Variants in CLEC12A observed in about 807,000 individuals in gnomAD.
CLEC12A encodes C-type lectin domain family 12 member A.
CLEC12A carries 22 observed loss-of-function variants against 26.5 expected under a neutral mutation model. The ratio of observed to expected loss-of-function variants is 0.83; its 90% CI spans 0.59 to 1.19. CLEC12A has a LOEUF of 1.19. Ranked by LOEUF, CLEC12A falls within the 50% of genes most tolerant of loss-of-function variation. CLEC12A has a pLI of 0.00. For missense variants in CLEC12A, 353 were observed against 315.6 expected (o/e 1.12, Z -0.90); for synonymous variants, 119 against 101.9 (o/e 1.17, Z -1.01).
chr12:9,980,521 AAAT>A lies in CLEC12A; in HGVS notation c.380-55_380-53del, dbSNP rs930420173. 2.1e-6 allele frequency: 3 copies of A among 1,443,760 alleles called. No homozygotes were observed. In the African/African-American group the frequency reaches 4.3e-5, roughly 21 times the overall value. The allele number at this position is 1,443,760 out of a possible 1,614,324, so 89.4% of individuals were successfully genotyped here. On this transcript the variant is annotated intron_variant, in intron 3 of 5. Coordinates refer to ENST00000304361, the MANE Select transcript of CLEC12A (RefSeq NM_138337.6). ...ATCAATGTCACACAGAGAGGAAAGGAAATAATAAGAATTATTATGACTATCAAC... is the reference window on the plus strand; with the variant it reads ...ATCAATGTCACACAGAGAGGAAAGGAAATAAGAATTATTATGACTATCAAC...
At chr12:9,991,979 G>A (rs1864903641) in intron 4 of CLEC12A, 1 of 152,114 alleles carries the variant, frequency 6.6e-6, no homozygotes, top group African/African-American at 2.4e-5. Context: ...TTCCCACTGA[G>A]TAACATCAGC....
At chr12:9,987,491 C>T (rs759619538), downstream of CLEC12A, among the ~76,000 whole-genome samples, 2 of 152,160 alleles carry the variant, frequency 1.3e-5, no homozygotes, top group South Asian at 2.1e-4. Context: ...TCCTGACTAG[C>T]GCTCTAGCTT....
intron 1 of CLEC12A, among the ~76,000 whole-genome samples, chr12:9,953,534 G>A (rs1281815965): frequency 6.6e-6 from 1 of 151,850 alleles, no homozygotes. Context: ...GCCCCCTACT[G>A]GGAAGTGAGG....
chr12:9,984,972 T>G lies in CLEC12A; in HGVS notation c.744T>G (p.Cys248Trp). 3 of 1,556,524 alleles carry G rather than the reference T, an allele frequency of 1.9e-6. No individual in the cohort carries two copies. The South Asian group carries it at 3.6e-5, about 18-fold the overall frequency. ...YHCTYKKRMICEKMANPVQLG... is the reference protein window; with the variant it reads ...YHCTYKKRMIWEKMANPVQLG... Reference sequence around the variant, plus strand: ...GCACTTATAAAAAAAGAATGATATGTGAGAAGATGGCCAATCCAGTGCAGC... The same window carrying G: ...GCACTTATAAAAAAAGAATGATATGGGAGAAGATGGCCAATCCAGTGCAGC... Residue 248 changes from cysteine (C) to tryptophan (W), a missense_variant, in exon 6 of 6, where the codon TGT becomes TGG. By Grantham distance (215) the Cys-to-Trp change is radical. Coordinates refer to ENST00000304361, the MANE Select transcript of CLEC12A (RefSeq NM_138337.6).
At chr12:9,988,769 C>T (rs188538243), downstream of CLEC12A, among the ~76,000 whole-genome samples, 393 of 152,170 alleles carry the variant, frequency 2.6e-3, no homozygotes, top group Middle Eastern at 6.8e-3. Flanking sequence ...GTTGGTGGGA[C>T]GTAAACTAGT....
At chr12:9,966,784 A>G (rs56010041), upstream of CLEC12A, among the ~76,000 whole-genome samples, 63,686 of 121,314 alleles carry the variant, frequency 0.52, 17,641 homozygotes, top group South Asian at 0.65. Context: ...TGTCGGGAGC[A>G]GATTGGGTAA....
chr12:9,962,022 G>C (rs192711672), intron 1 of CLEC12A, among the ~76,000 whole-genome samples: 1 of 152,136 alleles, frequency 6.6e-6, no homozygotes, highest in Non-Finnish European at 1.5e-5. Context: ...AGTTGTTCTC[G>C]CTGAGTGTAC....
chr12:9,973,990 A>G (rs958491558), intron 1 of CLEC12A, among the ~76,000 whole-genome samples: 1 of 151,740 alleles, frequency 6.6e-6, no homozygotes, highest in Non-Finnish European at 1.5e-5. Flanking sequence ...TCACAACTCA[A>G]CTTTTGAAAG....
intron 5 of CLEC12A, among the ~76,000 whole-genome samples, chr12:9,982,866 C>A (rs1225301630): frequency 1.3e-5 from 2 of 152,040 alleles, no homozygotes; most frequent in African/African-American, 2.4e-5. Flanking sequence ...TATTTAGCTC[C>A]CACTTAAGTG....
At chr12:9,983,974 C>T (rs921228490) in intron 5 of CLEC12A, 6 of 225,404 alleles carry the variant, frequency 2.7e-5, no homozygotes, top group South Asian at 9.6e-5. Flanking sequence ...GTTTTGCAAA[C>T]GTAGAATATG....
Position 9,971,686 on chromosome 12 carries a change from A to T in CLEC12A, c.90A>T (p.Lys30Asn), listed in dbSNP as rs779966756. Reference protein sequence around the residue: ...KIPEIGKFGEKAPPAPSHVWR... With the variant: ...KIPEIGKFGENAPPAPSHVWR... ...CAGAAATTGGCAAATTTGGGGAAAA[A>T]GGTAAGATTTTGAGTTATGGATGTG... The change falls in exon 1 of 6, where the codon AAA becomes AAT. Residue 30 changes from lysine to asparagine, a missense_variant and splice_region_variant. Lys to Asn is a moderately conservative substitution (Grantham distance 94). Transcript: ENST00000304361. 18 of 1,608,356 alleles carry T rather than the reference A, an allele frequency of 1.1e-5. No individual in the cohort carries two copies. Among genetic ancestry groups the T allele is most frequent in the Non-Finnish European group, 1.5e-5 (18 of 1,177,222 alleles).
intron 4 of CLEC12A, among the ~76,000 whole-genome samples, chr12:9,993,699 C>T (rs1046281513): frequency 1.3e-5 from 2 of 152,028 alleles, no homozygotes; most frequent in South Asian, 2.1e-4. Context: ...GATGGGAATA[C>T]GCTCATGGAA....
At chr12:9,995,062 C>T (rs1478105553) in exon 5 of CLEC12A, 1 of 1,596,840 alleles carries the variant, frequency 6.3e-7, no homozygotes. Flanking sequence ...ATAGTAGTGA[C>T]TTGGACTGAG....
the CLEC12A span, among the ~76,000 whole-genome samples, chr12:10,005,615 G>A: frequency 6.6e-6 from 1 of 152,234 alleles, no homozygotes; most frequent in Non-Finnish European, 1.5e-5. Flanking sequence ...AGGCAAGTAA[G>A]TGTTGCTCCA....
chr12:9,954,205 TAAAAAAA>T (rs35173002), intron 1 of CLEC12A, among the ~76,000 whole-genome samples: 3,091 of 64,486 alleles, frequency 0.048, 89 homozygotes, highest in African/African-American at 0.16. Flanking sequence ...GAATTATCAA[TAAAAAAA>T]AAAAAAAAAA....
chr12:9,980,037 T>G (rs372685340), intron 3 of CLEC12A, among the ~76,000 whole-genome samples: 11 of 152,154 alleles, frequency 7.2e-5, no homozygotes, highest in African/African-American at 2.7e-4. Context: ...AGTTTCAACA[T>G]TTCAGAGAAC....
At chr12:10,002,440 G>GTTTTTTTTTTTTTTTT in the CLEC12A span, among the ~76,000 whole-genome samples, 1 of 40,480 alleles carries the variant, frequency 2.5e-5, no homozygotes, top group Non-Finnish European at 5.0e-5. Context: ...GTTGGGTAAT[G>GTTTTTTTTTTTTTTTT]TTTTTTTTTT....
rs1006134006 is a variant in CLEC12A, at chr12:9,982,026, A to G, written c.538A>G (p.Ile180Val). 1.3e-6 allele frequency: 2 copies of G among 1,520,864 alleles called. No homozygotes were observed. Among genetic ancestry groups the G allele is most frequent in the Non-Finnish European group, 9.1e-7 (1 of 1,099,336 alleles). The allele number at this position is 1,520,864 out of a possible 1,614,324, so 94.2% of individuals were successfully genotyped here. Residue 180 changes from isoleucine to valine, a missense_variant, in exon 5 of 6, where the codon ATA becomes GTA. Coordinates refer to ENST00000304361, the MANE Select transcript of CLEC12A (RefSeq NM_138337.6). Reference protein sequence around the residue: ...KINNKNALEFIKSQSRSYDYW... With the variant: ...KINNKNALEFVKSQSRSYDYW... ...CTATCTGTATTTCCTGTAGGAATTT[A>G]TAAAATCCCAGAGTAGATCATATGA... is the stretch of plus-strand genomic sequence containing the variant.
intron 1 of CLEC12A, among the ~76,000 whole-genome samples, chr12:9,965,120 T>G (rs1272948183): frequency 6.6e-6 from 1 of 152,152 alleles, no homozygotes; most frequent in Non-Finnish European, 1.5e-5. Context: ...TGTGATTTTT[T>G]GGGCCTCTAA....
Sources: gnomAD v4.1 joint callset for allele counts (sites outside exome capture counted in the v4.1 genomes callset) on GRCh38, gnomAD v4.1.1 for gene constraint, MANE v1.5 for transcripts, NCBI Gene and HGNC (gene_info 2026-07-23, HGNC 2026-07-21) for gene names.